Variants in MAGI1 observed in about 807,000 individuals in gnomAD.
MAGI1 encodes membrane-associated guanylate kinase, WW and PDZ domain-containing protein 1.
MAGI1 carries 58 observed loss-of-function variants against 139.9 expected under a neutral mutation model. That is an observed-to-expected ratio of 0.41 (90% confidence interval 0.34 to 0.52). MAGI1 has a LOEUF of 0.52. MAGI1 is among the 20% of genes least tolerant of loss of function. The pLI, the probability that MAGI1 is intolerant of heterozygous loss-of-function variation, is 0.12. For missense variants in MAGI1, 1,874 were observed against 1,901.6 expected (o/e 0.99, Z 0.27); for synonymous variants, 812 against 737.9 (o/e 1.10, Z -1.63).
rs72891202 is a variant in MAGI1, at chr3:65,504,138, C to G, written c.431-10507G>C. Among the ~76,000 whole-genome samples, 1,359 of 152,294 alleles carry G rather than the reference C, an allele frequency of 8.9e-3. 30 individuals are homozygous for G. Among genetic ancestry groups the G allele is most frequent in the African/African-American group, 0.032 (1,317 of 41,560 alleles). On this transcript the variant is annotated intron_variant, in intron 2 of 22. Coordinates refer to ENST00000402939, the MANE Select transcript of MAGI1 (RefSeq NM_001033057.2). Reference sequence around the variant, plus strand: ...AGAACCAGTCTTGATCCAGCTCTGCCACTAAATTAATTATGTGACTACCTT... The same window carrying G: ...AGAACCAGTCTTGATCCAGCTCTGCGACTAAATTAATTATGTGACTACCTT...
chr3:65,447,770 G>C (rs1948765711), intron 7 of MAGI1, among the ~76,000 whole-genome samples: 1 of 152,166 alleles, frequency 6.6e-6, no homozygotes, highest in African/African-American at 2.4e-5. Context: ...TTACCAATTT[G>C]CTAACTCTCG....
At chr3:65,986,105 C>G (rs2065865792) in intron 1 of MAGI1, among the ~76,000 whole-genome samples, 1 of 152,178 alleles carries the variant, frequency 6.6e-6, no homozygotes, top group Non-Finnish European at 1.5e-5. Flanking sequence ...CCTTCCATTT[C>G]CAGCCAGACA....
Position 66,038,137 on chromosome 3 carries a change from C to A in MAGI1, c.172G>T (p.Gly58Cys), listed in dbSNP as rs1473701962. The change falls in exon 1 of 23, where the codon GGC (glycine) becomes TGC (cysteine). Residue 58 changes from glycine to cysteine, a missense_variant. Gly to Cys is a radical substitution (Grantham distance 159). Transcript: ENST00000402939. The stretch of plus-strand genomic sequence containing the variant: ...TCGCCCAGCCTCGGGCCCTCGCCGC[C>A]GCCGGGAAGCCCCGCTGCCTCGACC... ...AAVEAAGLPG[G>C]GEGPRLGEGE... The A allele has an allele frequency of 1.9e-6, 3 of 1,611,978 alleles. No homozygotes were observed. Among genetic ancestry groups the A allele is most frequent in the Non-Finnish European group, 2.5e-6 (3 of 1,179,476 alleles).
intron 1 of MAGI1, among the ~76,000 whole-genome samples, chr3:65,837,382 G>C (rs2058661715): frequency 6.6e-6 from 1 of 152,142 alleles, no homozygotes; most frequent in Non-Finnish European, 1.5e-5. Flanking sequence ...TGAAAATAGG[G>C]ATGGTTGATG....
chr3:65,541,389 G>GA (rs1314172874), intron 2 of MAGI1, among the ~76,000 whole-genome samples: 1 of 152,136 alleles, frequency 6.6e-6, no homozygotes, highest in East Asian at 1.9e-4. Flanking sequence ...CCACACAATA[G>GA]AAAAAGAGGG....
intron 1 of MAGI1, among the ~76,000 whole-genome samples, chr3:65,680,795 T>TATGATATGATATGATAGATATG (rs58365928): frequency 3.3e-5 from 5 of 151,160 alleles, no homozygotes; most frequent in African/African-American, 1.2e-4. Context: ...TATGATATGA[T>TATGATATGATATGATAGATATG]ATACTTTAAT....
At chr3:65,861,092 T>C (rs1381400500) in intron 1 of MAGI1, among the ~76,000 whole-genome samples, 2 of 152,132 alleles carry the variant, frequency 1.3e-5, no homozygotes, top group Non-Finnish European at 2.9e-5. Context: ...ACGCGGCCTT[T>C]GATCATGGGG....
intron 1 of MAGI1, among the ~76,000 whole-genome samples, chr3:65,927,037 A>G (rs563731443): frequency 1.9e-4 from 29 of 152,276 alleles, no homozygotes; most frequent in African/African-American, 6.0e-4. Context: ...CAGTTGCAGG[A>G]ATTGCCCACC....
intron 1 of MAGI1, among the ~76,000 whole-genome samples, chr3:65,679,565 G>GA (rs140040538): frequency 9.5e-5 from 14 of 147,890 alleles, no homozygotes; most frequent in East Asian, 2.0e-4. Context: ...TCTGTCTCCG[G>GA]AAAAAAAAAA....
intron 3 of MAGI1, among the ~76,000 whole-genome samples, chr3:65,485,923 C>A (rs1288798312): frequency 1.3e-5 from 2 of 152,166 alleles, no homozygotes; most frequent in African/African-American, 2.4e-5. Context: ...CCAGCTCCCC[C>A]CATCTTCATA....
intron 1 of MAGI1, among the ~76,000 whole-genome samples, chr3:65,853,113 C>T (rs904952599): frequency 2.6e-5 from 4 of 151,968 alleles, no homozygotes; most frequent in African/African-American, 9.7e-5. Flanking sequence ...GTGCATTGAG[C>T]CGAGATTTGT....
At chr3:66,033,232 C>A (rs1461667464) in intron 1 of MAGI1, among the ~76,000 whole-genome samples, 4 of 152,066 alleles carry the variant, frequency 2.6e-5, no homozygotes, top group African/African-American at 9.7e-5. Context: ...CCATGTTGCC[C>A]AGGCTGGTCT....
intron 1 of MAGI1, among the ~76,000 whole-genome samples, chr3:65,923,226 C>CTTT (rs72035925): frequency 0.019 from 2,598 of 139,930 alleles, 151 homozygotes; most frequent in African/African-American, 0.053. Context: ...CAACAGACAT[C>CTTT]TTTTTTTTTT....
At chr3:65,473,088 T>C (rs1950652178) in intron 4 of MAGI1, among the ~76,000 whole-genome samples, 1 of 152,146 alleles carries the variant, frequency 6.6e-6, no homozygotes, top group Non-Finnish European at 1.5e-5. Flanking sequence ...ATTAAATGGA[T>C]AAGGCGCTTA....
At chr3:65,929,346 AT>A (rs11369311) in intron 1 of MAGI1, among the ~76,000 whole-genome samples, 111 of 145,354 alleles carry the variant, frequency 7.6e-4, no homozygotes, top group South Asian at 2.2e-3. Flanking sequence ...ATCAAGGATG[AT>A]TTTTTTTTTT....
intron 1 of MAGI1, among the ~76,000 whole-genome samples, chr3:65,704,253 C>A (rs1469879006): frequency 1.3e-5 from 2 of 152,360 alleles, no homozygotes; most frequent in African/African-American, 2.4e-5. Flanking sequence ...GAACAGAGCT[C>A]TGTCCTCCTT....
chr3:65,366,187 T>G, intron 18 of MAGI1, among the ~76,000 whole-genome samples: 1 of 152,186 alleles, frequency 6.6e-6, no homozygotes, highest in East Asian at 1.9e-4. Context: ...GCTCTGTGCC[T>G]GACATACAAT....
chr3:65,417,460 A>G (rs1313794117), intron 12 of MAGI1, among the ~76,000 whole-genome samples: 2 of 152,204 alleles, frequency 1.3e-5, no homozygotes, highest in Non-Finnish European at 2.9e-5. Context: ...GAACCAAAGT[A>G]AGGGTAGGAA....
rs9845404 is a variant in MAGI1 at position 65,369,295 on chromosome 3, G to C, written c.3197-4349C>G. On this transcript the variant is annotated intron_variant, in intron 18 of 22. Coordinates refer to ENST00000402939, the MANE Select transcript of MAGI1 (RefSeq NM_001033057.2). ...TTTGGAGGTTTTGTTGGAAAAGTCA[G>C]AGAAAAATGTGGGAAGCAGAGTGAG... Among the ~76,000 whole-genome samples the C allele has an allele frequency of 5.9e-3, 905 of 152,254 alleles. 10 individuals are homozygous for C. The highest frequency in any genetic ancestry group is 0.021 in the African/African-American group (868 of 41,538).
Sources: allele counts gnomAD v4.1 joint callset (sites outside exome capture counted in the v4.1 genomes callset), GRCh38; gene constraint gnomAD v4.1.1; transcripts MANE v1.5; gene names NCBI Gene and HGNC (gene_info 2026-07-23, HGNC 2026-07-21).